Variants in XPO7 observed in about 807,000 individuals in gnomAD.
XPO7 encodes the protein exportin 7, also known as exportin-7.
Under a neutral mutation model 144.3 loss-of-function variants are expected in XPO7, and 21 were observed. That is an observed-to-expected ratio of 0.15 (90% CI 0.10 to 0.21). The LOEUF (loss-of-function observed/expected upper bound fraction) is 0.21. Among genes scored for constraint, XPO7 ranks in the 10% least tolerant of loss-of-function variants. The probability of loss-of-function intolerance (pLI) is 1.00; values close to 1 mark genes in which losing one functional copy is unlikely to be tolerated. For missense variants in XPO7, 808 were observed against 1,325.8 expected, an observed-to-expected ratio of 0.61 and a Z score of 6.06; for synonymous variants, 580 against 499.6, an observed-to-expected ratio of 1.16 and a Z score of -2.15.
chr8:21,990,668 CAAAAA>C lies in XPO7; in HGVS notation c.1933-134_1933-130del. ...AGTAGTGACAACGGTAGCCTGCCTTCAAAAAAAAAAAAACCTTCAGATCCTCAAGG... is the reference window on the plus strand; with the variant it reads ...AGTAGTGACAACGGTAGCCTGCCTTCAAAAAAAACCTTCAGATCCTCAAGG... On this transcript the variant is annotated intron_variant, in intron 17 of 27. Coordinates refer to ENST00000252512, the MANE Select transcript of XPO7 (RefSeq NM_015024.5). 1.1e-5 allele frequency: 8 copies of C among 699,064 alleles called. No homozygotes were observed. In the South Asian group the frequency reaches 1.7e-4, roughly 15 times the overall value. 43.3% of individuals were successfully genotyped at this position (699,064 alleles called of 1,614,324 possible). A position where few individuals can be genotyped will look rare whatever the true frequency, so the allele number is the denominator to read the frequency against.
chr8:21,993,505 G>A (rs977821574), intron 19 of XPO7, among the ~76,000 whole-genome samples: 18 of 152,132 alleles, frequency 1.2e-4, no homozygotes, highest in Non-Finnish European at 2.2e-4. Flanking sequence ...CTGTCTCCAC[G>A]TTTGGAGACA....
chr8:21,974,368 C>T (rs1812161980), intron 5 of XPO7, among the ~76,000 whole-genome samples: 1 of 151,982 alleles, frequency 6.6e-6, no homozygotes, highest in Non-Finnish European at 1.5e-5. Flanking sequence ...TTATCAGTAA[C>T]GTCTGCCAAC....
At chr8:21,936,349 A>C (rs1343227843) in intron 1 of XPO7, among the ~76,000 whole-genome samples, 1 of 152,216 alleles carries the variant, frequency 6.6e-6, no homozygotes. Context: ...CTTTTGTTTC[A>C]TAGATGTAAT....
chr8:21,984,236 A>C (rs956724485), intron 11 of XPO7, among the ~76,000 whole-genome samples: 8 of 152,154 alleles, frequency 5.3e-5, no homozygotes, highest in African/African-American at 1.9e-4. Context: ...CAATTTGAAC[A>C]GTTCTGAATT....
chr8:21,930,256 C>T (rs1449231507), intron 1 of XPO7, among the ~76,000 whole-genome samples: 1 of 152,190 alleles, frequency 6.6e-6, no homozygotes, highest in Admixed American at 6.5e-5. Flanking sequence ...GAGATACACA[C>T]ATCAGTAAAC....
At chr8:21,926,826 A>C (rs1810473954) in intron 1 of XPO7, among the ~76,000 whole-genome samples, 1 of 152,176 alleles carries the variant, frequency 6.6e-6, no homozygotes, top group Admixed American at 6.5e-5. Context: ...TTTAGAATGT[A>C]ATGTTCGTGT....
rs1276662790 is a variant in XPO7 at position 22,005,275 on chromosome 8, G to C, written c.*187G>C. 3 of 404,484 alleles carry C rather than the reference G, an allele frequency of 7.4e-6. No individual in the cohort carries two copies. Among genetic ancestry groups the C allele is most frequent in the Non-Finnish European group, 1.3e-5 (3 of 228,006 alleles). The allele number at this position is 404,484 out of a possible 1,614,324, so 25.1% of individuals were successfully genotyped here. A position where few individuals can be genotyped will look rare whatever the true frequency, so the allele number is the denominator to read the frequency against. ...GTGAGTACACTCACTAGGGGGCAGG[G>C]CGCTGCTGGTTCCTGGGGGACTGGG... On this transcript the variant is annotated 3_prime_UTR_variant, in exon 28 of 28. Coordinates refer to ENST00000252512, the MANE Select transcript of XPO7 (RefSeq NM_015024.5).
intron 1 of XPO7, among the ~76,000 whole-genome samples, chr8:21,934,265 G>A (rs906434023): frequency 4.6e-5 from 7 of 152,120 alleles, no homozygotes; most frequent in Non-Finnish European, 8.8e-5. Context: ...TGGGTGCGGT[G>A]GCTCATGCCT....
At chr8:21,990,247 T>C in intron 16 of XPO7, 97 bp from the exon 17 acceptor site, 1 of 1,212,580 alleles carries the variant, frequency 8.2e-7, no homozygotes, top group South Asian at 1.3e-5. Flanking sequence ...AAAAATAAGA[T>C]ATTTGGGTGA....
Position 21,980,210 on chromosome 8 carries a change from TTA to T in XPO7, c.957+9_957+10del. ...AATACTGGAAAACCCACAGGTAAGT[TTA>T]TCTGAGAATTTACATATGTATAGGA... On this transcript the variant is annotated splice_region_variant and intron_variant, in intron 9 of 27. Transcript: ENST00000252512. 1 of 1,576,480 alleles carries T rather than the reference TTA, an allele frequency of 6.3e-7. No individual in the cohort carries two copies. The highest frequency in any genetic ancestry group is 2.3e-5 in the East Asian group (1 of 43,696).
chr8:21,976,448 C>T lies in XPO7; in HGVS notation c.690C>T (p.Asp230=). ...LKLTHNCLNF[D]FIGTSTDESS... ...TCACTCATAACTGCCTCAACTTTGA[C>T]TTCATCGGCACTTCCACTGATGAGT... Residue 230 remains aspartate, a synonymous_variant, in exon 7 of 28, where the codon GAC becomes GAT. Transcript: ENST00000252512. 6.2e-7 allele frequency: 1 copy of T among 1,614,018 alleles called. No homozygotes were observed. Among genetic ancestry groups the T allele is most frequent in the Non-Finnish European group, 8.5e-7 (1 of 1,179,888 alleles).
intron 5 of XPO7, among the ~76,000 whole-genome samples, chr8:21,973,865 G>A (rs17060688): frequency 0.14 from 20,578 of 152,192 alleles, 1,708 homozygotes; most frequent in African/African-American, 0.23. Context: ...ACAAGAACAG[G>A]GAAAGTCAAA....
intron 1 of XPO7, among the ~76,000 whole-genome samples, chr8:21,957,879 G>GT (rs1215950677): frequency 2.9e-4 from 43 of 149,038 alleles, no homozygotes; most frequent in South Asian, 1.1e-3. Context: ...TCCTTTCCGG[G>GT]TTTTTTTTTT....
chr8:21,933,569 T>C (rs1810725083), intron 1 of XPO7, among the ~76,000 whole-genome samples: 1 of 152,218 alleles, frequency 6.6e-6, no homozygotes, highest in South Asian at 2.1e-4. Context: ...TGACTCTTGT[T>C]TTTAAACAGA....
Position 21,966,121 on chromosome 8 carries a change from C to T in XPO7, c.19-736C>T. On this transcript the variant is annotated intron_variant, in intron 1 of 27. Coordinates refer to ENST00000252512, the MANE Select transcript of XPO7 (RefSeq NM_015024.5). ...ACACACCCATACCCCTTCCTGCCTC[C>T]CTGGAACTGGTTCAAGATTTGGAGA... is the stretch of plus-strand genomic sequence containing the variant. The T allele has an allele frequency of 9.6e-6, 6 of 622,996 alleles. No individual in the cohort carries two copies. The South Asian group carries it at 1.2e-4, about 12-fold the overall frequency. 38.6% of individuals were successfully genotyped at this position (622,996 alleles called of 1,614,324 possible).
intron 1 of XPO7, among the ~76,000 whole-genome samples, chr8:21,920,134 G>A (rs1366976273): frequency 6.9e-6 from 1 of 145,182 alleles, no homozygotes; most frequent in African/African-American, 2.5e-5. Flanking sequence ...CCGCCCCCCG[G>A]TGAAGCGAGG....
At chr8:21,983,855 CCTGCTGCTG>C (rs77922585) in intron 11 of XPO7, among the ~76,000 whole-genome samples, 2 of 151,254 alleles carry the variant, frequency 1.3e-5, no homozygotes, top group Non-Finnish European at 2.9e-5. Flanking sequence ...TGCTGCTGCT[CCTGCTGCTG>C]CTGCTGCTGC....
intron 1 of XPO7, among the ~76,000 whole-genome samples, chr8:21,954,359 C>T (rs1350215509): frequency 6.6e-6 from 1 of 152,096 alleles, no homozygotes; most frequent in Non-Finnish European, 1.5e-5. Context: ...ATGTGGGCTG[C>T]GTGCAGTGGC....
intron 1 of XPO7, among the ~76,000 whole-genome samples, chr8:21,935,679 T>G (rs2117257770): frequency 6.6e-6 from 1 of 152,316 alleles, no homozygotes; most frequent in African/African-American, 2.4e-5. Context: ...TTTAATCCAT[T>G]TAGTAGTGGT....
Sources: allele counts gnomAD v4.1 joint callset (sites outside exome capture counted in the v4.1 genomes callset), GRCh38; gene constraint gnomAD v4.1.1; transcripts MANE v1.5; gene names NCBI Gene and HGNC (gene_info 2026-07-23, HGNC 2026-07-21).